The following NBPF12 variants were observed in gnomAD, a reference collection of about 807,000 sequenced individuals.
NBPF12 encodes NBPF member 12, also known as NBPF family member NBPF12.
Under a neutral mutation model 146.4 loss-of-function variants are expected in NBPF12, and 115 were observed. The observed-to-expected ratio is 0.79, with a 90% CI of 0.68 to 0.92. The LOEUF is 0.92. Among genes scored for constraint, NBPF12 ranks in the 40% least tolerant of loss-of-function variants. The probability of loss-of-function intolerance (pLI) is 0.00; values close to 1 mark genes in which losing one functional copy is unlikely to be tolerated. For synonymous variants in NBPF12, 385 were observed against 508.9 expected, an observed-to-expected ratio of 0.76 and a Z score of 3.28; for missense variants, 1,205 against 1,326.8, an observed-to-expected ratio of 0.91 and a Z score of 1.43.
chr1:146,971,870 G>T (rs1656644787), intron 13 of NBPF12, among the ~76,000 whole-genome samples: 1 of 146,038 alleles, frequency 6.8e-6, no homozygotes, highest in African/African-American at 2.6e-5. Context: ...ACGAGGTCAG[G>T]AGATTGAGAC....
intron 18 of NBPF12, among the ~76,000 whole-genome samples, chr1:146,978,726 G>A (rs1657205561): frequency 7.1e-6 from 1 of 141,484 alleles, no homozygotes; most frequent in Non-Finnish European, 1.5e-5. Context: ...ACTCAGGCAG[G>A]GAATATGGCA....
At chr1:146,943,710 T>C (rs879215401) in intron 2 of NBPF12, 148 bp downstream of exon 2, 11,139 of 549,432 alleles carry the variant, frequency 0.02, 184 homozygotes, top group Non-Finnish European at 0.021. Context: ...ATTTGTTAAA[T>C]GAATGAACAA....
intron 5 of NBPF12, among the ~76,000 whole-genome samples, 178 bp from the exon 9 acceptor site, chr1:146,962,917 G>A (rs1366254186): frequency 6.6e-6 from 1 of 151,212 alleles, no homozygotes; most frequent in African/African-American, 2.4e-5. Context: ...CTGATAGAGG[G>A]AAAGCCTGTA....
At chr1:146,970,068 C>A (rs1299902838) in intron 11 of NBPF12, among the ~76,000 whole-genome samples, 1 of 149,412 alleles carries the variant, frequency 6.7e-6, no homozygotes, top group African/African-American at 2.5e-5. Flanking sequence ...GGAACACTTA[C>A]GAATGCTTTT....
chr1:146,964,214 G>C, intron 6 of NBPF12, 143 bp from the exon 10 acceptor site: 1 of 1,334,178 alleles, frequency 7.5e-7, no homozygotes, highest in South Asian at 1.3e-5. Flanking sequence ...CCATGCCAGA[G>C]CATTTTGTGA....
At chr1:146,982,639 T>G (rs1657466423) in intron 19 of NBPF12, among the ~76,000 whole-genome samples, 2 of 151,250 alleles carry the variant, frequency 1.3e-5, no homozygotes, top group Admixed American at 1.3e-4. Flanking sequence ...CTGTGTCAGT[T>G]CTCTGTGCTG....
In NBPF12 at chr1:146,966,447, G is replaced by A; in HGVS notation, c.779-17G>A. 1.5e-6 allele frequency: 2 copies of A among 1,334,026 alleles called. No homozygotes were observed. 82.6% of individuals were successfully genotyped at this position (1,334,026 alleles called of 1,614,324 possible). ...CCAGTTTTTAACCCATCATGTGTTTGCCTTTCTTCTCCCCAGTCCCTGGCC... is the reference window on the plus strand; with the variant it reads ...CCAGTTTTTAACCCATCATGTGTTTACCTTTCTTCTCCCCAGTCCCTGGCC... On this transcript the variant is annotated splice_polypyrimidine_tract_variant and intron_variant, in intron 8 of 33. Coordinates refer to ENST00000617844, the Ensembl canonical transcript of NBPF12.
chr1:146,969,981 C>G (rs1656481706), intron 11 of NBPF12, among the ~76,000 whole-genome samples: 1 of 150,368 alleles, frequency 6.7e-6, no homozygotes, highest in South Asian at 2.1e-4. Context: ...AGTGATTTAT[C>G]TTTCCAGAGT....
At chr1:146,961,385 A>T (rs1655840241) in intron 4 of NBPF12, among the ~76,000 whole-genome samples, 1 of 151,664 alleles carries the variant, frequency 6.6e-6, no homozygotes, top group African/African-American at 2.4e-5. Context: ...TCATCTGTTC[A>T]GAGGGTACTA....
upstream of NBPF12, among the ~76,000 whole-genome samples, chr1:146,948,735 G>T (rs1174904112): frequency 5.9e-5 from 9 of 151,836 alleles, no homozygotes; most frequent in South Asian, 4.2e-4. Context: ...ACCCGTAAAG[G>T]GTCTGTGCTG....
chr1:146,964,804 T>A, intron 7 of NBPF12, 89 bp from the exon 11 acceptor site: 1 of 1,594,706 alleles, frequency 6.3e-7, no homozygotes, highest in South Asian at 1.1e-5. Flanking sequence ...ACTCTCTTAA[T>A]GCCGCCTGTC....
intron 1 of NBPF12, among the ~76,000 whole-genome samples, chr1:146,939,487 G>A (rs1244919545): frequency 1.3e-5 from 2 of 151,954 alleles, no homozygotes; most frequent in African/African-American, 2.4e-5. Context: ...CGTTTGTAGC[G>A]ATCACTGAAT....
At chr1:146,981,774 C>T (rs1431094044) in intron 19 of NBPF12, among the ~76,000 whole-genome samples, 3 of 150,500 alleles carry the variant, frequency 2.0e-5, no homozygotes, top group East Asian at 2.0e-4. Context: ...TTTCTCTAAA[C>T]TTCTCTTCTC....
At chr1:146,963,845 G>A in intron 6 of NBPF12, among the ~76,000 whole-genome samples, 1 of 146,036 alleles carries the variant, frequency 6.8e-6, no homozygotes, top group Non-Finnish European at 1.5e-5. Context: ...TGATGTGGGG[G>A]CATTTGGTGG....
upstream of NBPF12, among the ~76,000 whole-genome samples, chr1:146,946,069 C>G (rs1337149807): frequency 6.6e-6 from 1 of 151,956 alleles, no homozygotes; most frequent in Non-Finnish European, 1.5e-5. Context: ...TGGCTTCTTT[C>G]TAGCATTATG....
upstream of NBPF12, among the ~76,000 whole-genome samples, chr1:146,946,657 G>T (rs1176282084): frequency 6.8e-6 from 1 of 146,758 alleles, no homozygotes; most frequent in Non-Finnish European, 1.5e-5. Flanking sequence ...TCTCTTAACA[G>T]TGTCTTTCAC....
intron 1 of NBPF12, among the ~76,000 whole-genome samples, chr1:146,941,298 C>G (rs1396886391): frequency 1.3e-5 from 2 of 151,712 alleles, no homozygotes; most frequent in Non-Finnish European, 2.9e-5. Flanking sequence ...TTGCATAGCC[C>G]GATACGGAAT....
At chr1:146,940,399 T>C (rs1654744399) in intron 1 of NBPF12, among the ~76,000 whole-genome samples, 1 of 151,678 alleles carries the variant, frequency 6.6e-6, no homozygotes. Context: ...AGCCCAGGAG[T>C]TCCAGACCAG....
chr1:146,975,193 G>T (rs1234087799), intron 15 of NBPF12, among the ~76,000 whole-genome samples: 1 of 137,472 alleles, frequency 7.3e-6, no homozygotes, highest in African/African-American at 2.9e-5. Context: ...ATCACCTCCT[G>T]ACTGACTGCG....
Sources: gnomAD v4.1 joint callset for allele counts (sites outside exome capture counted in the v4.1 genomes callset) on GRCh38, gnomAD v4.1.1 for gene constraint, MANE v1.5 for transcripts, NCBI Gene and HGNC (gene_info 2026-07-23, HGNC 2026-07-21) for gene names.